The following ALDH1L1 variants were observed in gnomAD, a reference collection of about 807,000 sequenced individuals.
The protein encoded by ALDH1L1 is cytosolic 10-formyltetrahydrofolate dehydrogenase.
A neutral mutation model predicts 101.1 loss-of-function variants in ALDH1L1; 68 were observed. The observed-to-expected ratio is 0.67, with a 90% CI of 0.55 to 0.82. The LOEUF (loss-of-function observed/expected upper bound fraction) is 0.82. Ranked by LOEUF, ALDH1L1 falls within the 40% of genes least tolerant of loss-of-function variation. ALDH1L1 has a pLI of 0.00. For synonymous variants in ALDH1L1, 486 were observed against 470.8 expected (o/e 1.03, Z -0.42); for missense variants, 1,087 against 1,172.7 (o/e 0.93, Z 1.07).
rs540089044 is a variant in ALDH1L1 at position 126,154,690 on chromosome 3, C to A, written c.631-47G>T. ...TGCTCAGCTGGTCTCTCCTCACTCC[C>A]CTCCCACCCTGATGACATCTGGACA... On this transcript the variant is annotated intron_variant, in intron 5 of 22. Coordinates refer to ENST00000393434, the MANE Select transcript of ALDH1L1 (RefSeq NM_012190.4). The A allele has an allele frequency of 7.7e-6, 12 of 1,561,204 alleles. No individual in the cohort carries two copies. The South Asian group carries it at 1.3e-4, about 17-fold the overall frequency.
At chr3:126,132,847 G>A (rs1392107028) in intron 12 of ALDH1L1, among the ~76,000 whole-genome samples, 1 of 152,206 alleles carries the variant, frequency 6.6e-6, no homozygotes, top group African/African-American at 2.4e-5. Context: ...GGCGCTGTCT[G>A]GTTCCCTGCT....
chr3:126,144,841 C>G (rs1477726789), intron 9 of ALDH1L1, among the ~76,000 whole-genome samples: 1 of 152,162 alleles, frequency 6.6e-6, no homozygotes, highest in Non-Finnish European at 1.5e-5. Flanking sequence ...CAAAAATATA[C>G]AAGTCATATG....
chr3:126,180,900 C>G, upstream of ALDH1L1: 5 of 1,597,852 alleles, frequency 3.1e-6, no homozygotes, highest in Non-Finnish European at 4.3e-6. Flanking sequence ...CAGAGGAGAC[C>G]CTCGCCAAGC....
At chr3:126,138,692 T>C (rs2080504963) in intron 9 of ALDH1L1, among the ~76,000 whole-genome samples, 1 of 152,214 alleles carries the variant, frequency 6.6e-6, no homozygotes, top group Non-Finnish European at 1.5e-5. Context: ...CTGGCAGGGA[T>C]GTAAATGGTG....
chr3:126,110,922 T>G (rs1367969862), intron 19 of ALDH1L1, among the ~76,000 whole-genome samples: 1 of 152,222 alleles, frequency 6.6e-6, no homozygotes, highest in African/African-American at 2.4e-5. Flanking sequence ...ATTGTGACTG[T>G]CCTGAGAATT....
At position 126,137,890 on chromosome 3, in the gene ALDH1L1, T is replaced by G. The variant is rs776976684; in HGVS notation, c.1147A>C (p.Thr383Pro). 6.2e-7 allele frequency: 1 copy of G among 1,614,120 alleles called. No homozygotes were observed. Among genetic ancestry groups the G allele is most frequent in the South Asian group, 1.1e-5 (1 of 91,082 alleles). ...LENEDVYMASTFGDFIQLLVR... is the reference protein window; with the variant it reads ...LENEDVYMASPFGDFIQLLVR... ...AACAGCTGGATGAAGTCCCCAAAGG[T>G]GGATGCCATGTACACATCTTCATTT... Residue 383 changes from threonine (T) to proline (P), a missense_variant, in exon 10 of 23, where the codon ACC (threonine) becomes CCC (proline). Physicochemically the swap from Thr to Pro is conservative, Grantham distance 38. Transcript: ENST00000393434.
intron 2 of ALDH1L1, among the ~76,000 whole-genome samples, 153 bp downstream of exon 2, chr3:126,160,700 G>T (rs1036266895): frequency 7.9e-5 from 12 of 152,216 alleles, no homozygotes; most frequent in Admixed American, 6.5e-4. Flanking sequence ...GTTGGCACTG[G>T]AGCAGGATTC....
At chr3:126,167,876 C>T (rs373770062) in intron 1 of ALDH1L1, among the ~76,000 whole-genome samples, 9 of 152,076 alleles carry the variant, frequency 5.9e-5, no homozygotes, top group African/African-American at 1.2e-4. Context: ...AGAGCTACTT[C>T]GCCCAAATTA....
intron 1 of ALDH1L1, among the ~76,000 whole-genome samples, chr3:126,194,527 A>C (rs1032970922): frequency 2.0e-5 from 3 of 152,226 alleles, no homozygotes; most frequent in Non-Finnish European, 2.9e-5. Flanking sequence ...ATCACCCTCT[A>C]CAATTTTTGT....
intron 18 of ALDH1L1, among the ~76,000 whole-genome samples, chr3:126,113,768 C>G (rs1372228214): frequency 6.6e-6 from 1 of 152,226 alleles, no homozygotes; most frequent in African/African-American, 2.4e-5. Flanking sequence ...TGAACATGGT[C>G]TTACTGGTTT....
chr3:126,180,873 G>A (rs2081464505), upstream of ALDH1L1: 1 of 1,572,654 alleles, frequency 6.4e-7, no homozygotes, highest in Non-Finnish European at 8.6e-7. Context: ...TCTGAGCGCT[G>A]GCAAGGCTAA....
chr3:126,153,547 G>A lies in ALDH1L1; in HGVS notation c.755C>T (p.Ser252Leu). 6.2e-7 allele frequency: 1 copy of A among 1,614,198 alleles called. No individual in the cohort carries two copies. Among genetic ancestry groups the A allele is most frequent in the Non-Finnish European group, 8.5e-7 (1 of 1,180,030 alleles). Residue 252 changes from serine to leucine, a missense_variant, in exon 7 of 23, where the codon TCA (serine) becomes TTA (leucine). Physicochemically the swap from Ser to Leu is moderately radical, Grantham distance 145. Coordinates refer to ENST00000393434, the MANE Select transcript of ALDH1L1 (RefSeq NM_012190.4). ...LTFFNSTLNT[S>L]GLVPEGDALP... ...AGCGTCTCCCTCGGGCACCAGGCCT[G>A]AAGTGTTCAGCGTTGAGTTGAAAAA...
In ALDH1L1 at chr3:126,150,359, C is replaced by T. The variant is rs374203125; in HGVS notation, c.984+47G>A. The T allele has an allele frequency of 4.9e-5, 76 of 1,542,990 alleles. No individual in the cohort carries two copies. In the Admixed American group the frequency reaches 6.7e-4, roughly 14 times the overall value. ...GTGTGATTTGCAGAACACATGTGCA[C>T]GGCACAACCTGCCCAACTGGATGGC... On this transcript the variant is annotated intron_variant, in intron 8 of 22. Coordinates refer to ENST00000393434, the MANE Select transcript of ALDH1L1 (RefSeq NM_012190.4).
chr3:126,172,165 C>A (rs1461314913), intron 1 of ALDH1L1, among the ~76,000 whole-genome samples: 4 of 152,188 alleles, frequency 2.6e-5, no homozygotes, highest in Non-Finnish European at 5.9e-5. Context: ...TACATTATAT[C>A]TGATTTTCTG....
upstream of ALDH1L1, among the ~76,000 whole-genome samples, chr3:126,182,234 C>T (rs149862811): frequency 5.9e-5 from 9 of 152,162 alleles, no homozygotes; most frequent in Non-Finnish European, 1.0e-4. Context: ...GGACCCTCCA[C>T]CTCCTAGGTT....
In ALDH1L1 at chr3:126,136,827, C is replaced by A. The variant is rs376644159; in HGVS notation, c.1281G>T (p.Gly427=). 6.8e-6 allele frequency: 11 copies of A among 1,610,206 alleles called. No homozygotes were observed. Among genetic ancestry groups the A allele is most frequent in the Middle Eastern group, 1.6e-4 (1 of 6,080 alleles). ...CGCCCTCGGCATCCACGAACTCCCC[C>A]CCAATGAAGAGCTGGTGGGGCATGC... ...TVRMPHQLFI[G]GEFVDAEGAK... The change falls in exon 11 of 23, where the codon GGG becomes GGT. Residue 427 remains glycine, a synonymous_variant. Coordinates refer to ENST00000393434, the MANE Select transcript of ALDH1L1 (RefSeq NM_012190.4).
intron 1 of ALDH1L1, among the ~76,000 whole-genome samples, chr3:126,194,365 C>T (rs972700670): frequency 1.3e-5 from 2 of 152,132 alleles, no homozygotes; most frequent in Non-Finnish European, 2.9e-5. Context: ...GCTTCAGCGG[C>T]TCTCTGTAGC....
chr3:126,131,349 C>G, intron 13 of ALDH1L1, 35 bp downstream of exon 13: 1 of 1,552,126 alleles, frequency 6.4e-7, no homozygotes, highest in Non-Finnish European at 8.8e-7. Flanking sequence ...GGCCAGTCTG[C>G]ATGTGCTCAC....
chr3:126,149,274 A>C (rs2080760640), intron 8 of ALDH1L1, among the ~76,000 whole-genome samples: 1 of 152,138 alleles, frequency 6.6e-6, no homozygotes, highest in South Asian at 2.1e-4. Context: ...ACTGAACTAA[A>C]CCTCTTCATG....
Sources: allele counts gnomAD v4.1 joint callset (sites outside exome capture counted in the v4.1 genomes callset), GRCh38; gene constraint gnomAD v4.1.1; transcripts MANE v1.5; gene names NCBI Gene and HGNC (gene_info 2026-07-23, HGNC 2026-07-21).